The following TUBD1 variants were observed in gnomAD, a reference collection of about 807,000 sequenced individuals.
The protein encoded by TUBD1 is tubulin delta 1, also known as tubulin delta chain.
TUBD1 carries 38 observed loss-of-function variants against 51.2 expected under a neutral mutation model. That is an observed-to-expected ratio of 0.74 (90% confidence interval 0.57 to 0.97). TUBD1 has a LOEUF of 0.97. Ranked by LOEUF, TUBD1 falls within the 50% of genes least tolerant of loss-of-function variation. The pLI is 0.00. For synonymous variants in TUBD1, 169 were observed against 178.2 expected (o/e 0.95, Z 0.41); for missense variants, 489 against 538.4 (o/e 0.91, Z 0.91).
intron 8 of TUBD1, among the ~76,000 whole-genome samples, chr17:59,860,957 C>T (rs183118251): frequency 1.3e-5 from 2 of 151,662 alleles, no homozygotes; most frequent in East Asian, 3.9e-4. Flanking sequence ...GAGAGGCACC[C>T]GGGAAAGAGC....
At chr17:59,878,385 A>C (rs769439414) in intron 4 of TUBD1, 51 bp from the exon 5 acceptor site, 5 of 1,343,062 alleles carry the variant, frequency 3.7e-6, no homozygotes, top group African/African-American at 1.4e-5. Context: ...ATAATGGTTA[A>C]GATTACAGAT....
Position 59,891,060 on chromosome 17 carries a change from C to T in TUBD1, c.-39-19G>A, listed in dbSNP as rs749547735. The T allele has an allele frequency of 2.9e-5, 40 of 1,361,352 alleles. No homozygotes were observed. The highest frequency in any genetic ancestry group is 9.3e-5 in the East Asian group (4 of 43,020). The allele number at this position is 1,361,352 out of a possible 1,614,324, so 84.3% of individuals were successfully genotyped here. A position where few individuals can be genotyped will look rare whatever the true frequency, so the allele number is the denominator to read the frequency against. On this transcript the variant is annotated intron_variant, in intron 1 of 8. Coordinates refer to ENST00000325752, the MANE Select transcript of TUBD1 (RefSeq NM_016261.4). Reference sequence around the variant, plus strand: ...AAACAACCTGTAATCGAAAAAAATACGCTTTGAGAACCACTACATTACTAA... The same window carrying T: ...AAACAACCTGTAATCGAAAAAAATATGCTTTGAGAACCACTACATTACTAA...
At chr17:59,885,265 C>A in intron 3 of TUBD1, 2 of 562,368 alleles carry the variant, frequency 3.6e-6, no homozygotes, top group South Asian at 3.2e-5. Context: ...TGAGAGGGAT[C>A]CATGGTATAG....
intron 4 of TUBD1, among the ~76,000 whole-genome samples, chr17:59,880,133 C>CT (rs2040416037): frequency 6.6e-6 from 1 of 151,988 alleles, no homozygotes; most frequent in Admixed American, 6.6e-5. Context: ...TATCAGCTCA[C>CT]TGCAGCCTCT....
rs1336475152 is a variant in TUBD1, at chr17:59,875,668, G to A, written c.770-965C>T. Among the ~76,000 whole-genome samples, 4 of 151,484 alleles carry A rather than the reference G, an allele frequency of 2.6e-5. No homozygotes were observed. The East Asian group carries it at 5.9e-4, about 22-fold the overall frequency. On this transcript the variant is annotated intron_variant, in intron 5 of 8. Coordinates refer to ENST00000325752, the MANE Select transcript of TUBD1 (RefSeq NM_016261.4). The stretch of plus-strand genomic sequence containing the variant: ...CCAGCTACTTGGGAGGCTGAGGCGG[G>A]AGAATCGCTTGAACCCGGCAGACAG...
Position 59,862,350 on chromosome 17 carries a change from G to A in TUBD1, c.1259+1314C>T, listed in dbSNP as rs577850699. 1.4e-3 allele frequency among the ~76,000 whole-genome samples: 212 copies of A among 151,518 alleles called. 1 individual carries two copies. Among genetic ancestry groups the A allele is most frequent in the African/African-American group, 5.1e-3 (210 of 41,358 alleles). On this transcript the variant is annotated intron_variant, in intron 8 of 8. Coordinates refer to ENST00000325752, the MANE Select transcript of TUBD1 (RefSeq NM_016261.4). ...AAAAAAAAAAAGAAAAAGATAGTTA[G>A]AAGCCTTGTCCACTCATTTGAAGAA...
rs1387422648 is a variant in TUBD1 at position 59,886,456 on chromosome 17, G to A, written c.173-226C>T. ...TTTGCTAAGCAGGCTGAATCAGTGT[G>A]GGCCTAAAAGAGTACCTGGGTCAGA... On this transcript the variant is annotated intron_variant, in intron 2 of 8. Coordinates refer to ENST00000325752, the MANE Select transcript of TUBD1 (RefSeq NM_016261.4). 48 of 450,542 alleles carry A rather than the reference G, an allele frequency of 1.1e-4. 1 individual carries two copies. In the South Asian group the frequency reaches 1.5e-3, roughly 14 times the overall value. The allele number at this position is 450,542 out of a possible 1,614,324, so 27.9% of individuals were successfully genotyped here.
chr17:59,872,913 C>A (rs2040060259), intron 6 of TUBD1, among the ~76,000 whole-genome samples: 1 of 152,006 alleles, frequency 6.6e-6, no homozygotes, highest in Non-Finnish European at 1.5e-5. Context: ...GCGACTGCCA[C>A]CACGCCCGGC....
rs144372219 is a variant in TUBD1, at chr17:59,882,448, G to A, written c.321-1338C>T. On this transcript the variant is annotated intron_variant, in intron 3 of 8. Coordinates refer to ENST00000325752, the MANE Select transcript of TUBD1 (RefSeq NM_016261.4). ...ATTAAAGGTGCGCGCCACCACACCC[G>A]GCTGATTTTTGTATTTTTAGTACAG... 3.7e-3 allele frequency among the ~76,000 whole-genome samples: 558 copies of A among 151,298 alleles called. 7 individuals are homozygous for A. The highest frequency in any genetic ancestry group is 0.01 in the African/African-American group (428 of 41,218).
At chr17:59,883,425 C>T (rs1386751617) in intron 3 of TUBD1, among the ~76,000 whole-genome samples, 1 of 151,886 alleles carries the variant, frequency 6.6e-6, no homozygotes, top group Non-Finnish European at 1.5e-5. Context: ...ATCACCACGC[C>T]CAGCTAATTT....
chr17:59,861,870 G>C (rs1426751276), intron 8 of TUBD1, among the ~76,000 whole-genome samples: 1 of 151,476 alleles, frequency 6.6e-6, no homozygotes, highest in Non-Finnish European at 1.5e-5. Flanking sequence ...GTTTCACCAT[G>C]TTGGCCAGGC....
chr17:59,864,607 T>G (rs886180492), intron 7 of TUBD1, among the ~76,000 whole-genome samples: 1 of 151,998 alleles, frequency 6.6e-6, no homozygotes, highest in Non-Finnish European at 1.5e-5. Context: ...CCTTAAGTGA[T>G]CCTCCCACCT....
intron 1 of TUBD1, among the ~76,000 whole-genome samples, chr17:59,891,582 C>G (rs1330591817): frequency 6.6e-6 from 1 of 152,180 alleles, no homozygotes; most frequent in Non-Finnish European, 1.5e-5. Context: ...TCCATTCATA[C>G]ACAGCTCAAT....
intron 3 of TUBD1, chr17:59,885,365 T>C: frequency 1.3e-6 from 1 of 772,494 alleles, no homozygotes. Context: ...CCCACACCTG[T>C]TTCTTGGAAT....
chr17:59,872,694 ATGTGTGTGTGTGTGTGTGTG>A (rs60720420), intron 6 of TUBD1, among the ~76,000 whole-genome samples: 1 of 142,638 alleles, frequency 7.0e-6, no homozygotes, highest in East Asian at 2.1e-4. Flanking sequence ...GAAAATGGGA[ATGTGTGTGTGTGTGTGTGTG>A]TGTGTGTGTG....
chr17:59,876,342 C>T (rs998717983), intron 5 of TUBD1, among the ~76,000 whole-genome samples: 43 of 146,948 alleles, frequency 2.9e-4, no homozygotes, highest in Non-Finnish European at 4.6e-4. Context: ...CCATGCCTAA[C>T]TGTTTGTTTT....
chr17:59,881,236 AAGGTAC>A, intron 3 of TUBD1, 126 bp from the exon 4 acceptor site: 1 of 756,468 alleles, frequency 1.3e-6, no homozygotes. Flanking sequence ...ACTCTCATGA[AAGGTAC>A]AGGTACCCTG....
At chr17:59,878,489 C>CT (rs71370137) in intron 4 of TUBD1, 155 bp from the exon 5 acceptor site, 80,633 of 460,586 alleles carry the variant, frequency 0.18, 2,557 homozygotes, top group African/African-American at 0.24. Flanking sequence ...GCTCAGTTTC[C>CT]TTTTTTTTTT....
In TUBD1 at chr17:59,869,458, G is replaced by C. The variant is rs1443547076; in HGVS notation, c.935-2709C>G. ...CCACTGCACTCCAGCCTGGGTGACA[G>C]AGCAAGATTCTGTCCCCCCCGCCAA... On this transcript the variant is annotated intron_variant, in intron 6 of 8. Transcript: ENST00000325752. Among the ~76,000 whole-genome samples, 12 of 150,678 alleles carry C rather than the reference G, an allele frequency of 8.0e-5. No individual in the cohort carries two copies. The South Asian group carries it at 2.5e-3, about 32-fold the overall frequency.
Sources: allele counts gnomAD v4.1 joint callset (sites outside exome capture counted in the v4.1 genomes callset), GRCh38; gene constraint gnomAD v4.1.1; transcripts MANE v1.5; gene names NCBI Gene and HGNC (gene_info 2026-07-23, HGNC 2026-07-21).